FTO: variants seen among roughly 807,000 people sequenced by gnomAD.
FTO encodes alpha-ketoglutarate-dependent dioxygenase FTO.
FTO carries 47 observed loss-of-function variants against 63.9 expected under a neutral mutation model. The observed-to-expected ratio is 0.74, with a 90% confidence interval of 0.58 to 0.94. FTO has a LOEUF of 0.94. Ranked by LOEUF, FTO falls within the 40% of genes least tolerant of loss-of-function variation. The probability of loss-of-function intolerance (pLI) is 0.00; values close to 1 mark genes in which losing one functional copy is unlikely to be tolerated. For missense variants in FTO, 562 were observed against 618.1 expected (o/e 0.91, Z 0.96); for synonymous variants, 207 against 224.4 (o/e 0.92, Z 0.69).
At chr16:54,004,200 T>A (rs1185191335) in intron 8 of FTO, among the ~76,000 whole-genome samples, 1 of 152,120 alleles carries the variant, frequency 6.6e-6, no homozygotes, top group Non-Finnish European at 1.5e-5. Context: ...TTACTTAGCA[T>A]GGTACGTCTT....
At chr16:54,094,474 A>G (rs2086466524) in intron 8 of FTO, among the ~76,000 whole-genome samples, 1 of 152,226 alleles carries the variant, frequency 6.6e-6, no homozygotes, top group Non-Finnish European at 1.5e-5. Context: ...GCACTGACTC[A>G]GAAGGCCTGT....
At chr16:53,996,027 C>T (rs1230487304) in intron 8 of FTO, among the ~76,000 whole-genome samples, 1 of 152,198 alleles carries the variant, frequency 6.6e-6, no homozygotes, top group African/African-American at 2.4e-5. Context: ...CCTGCCTTTG[C>T]ACACAGTGAC....
intron 8 of FTO, among the ~76,000 whole-genome samples, chr16:53,948,308 G>A (rs926564700): frequency 6.6e-6 from 1 of 152,254 alleles, no homozygotes; most frequent in African/African-American, 2.4e-5. Context: ...ATGGGGGCAT[G>A]AGAGTTGGAT....
chr16:53,837,018 C>T (rs2079313513), intron 3 of FTO, among the ~76,000 whole-genome samples: 1 of 152,212 alleles, frequency 6.6e-6, no homozygotes, highest in Admixed American at 6.5e-5. Context: ...CCACAACTCT[C>T]TTTATACCTT....
chr16:53,848,077 A>T (rs993791034), intron 4 of FTO, among the ~76,000 whole-genome samples: 2 of 152,052 alleles, frequency 1.3e-5, no homozygotes, highest in Admixed American at 6.5e-5. Context: ...TTTTATTAGG[A>T]TTTATTATTT....
chr16:53,770,904 T>G lies in FTO; in HGVS notation c.46-39236T>G, dbSNP rs190021280. 6.6e-5 allele frequency among the ~76,000 whole-genome samples: 10 copies of G among 152,272 alleles called. No homozygotes were observed. The East Asian group carries it at 1.9e-3, about 29-fold the overall frequency. ...CTCAAGGCACTTCTGAATGGGTGTT[T>G]GCGAGACGTTGTTTGAAAAACCACT... On this transcript the variant is annotated intron_variant, in intron 1 of 8. Transcript: ENST00000471389.
intron 8 of FTO, among the ~76,000 whole-genome samples, chr16:54,028,403 A>G (rs1599234912): frequency 6.6e-6 from 1 of 152,344 alleles, no homozygotes; most frequent in African/African-American, 2.4e-5. Context: ...GAACCTGCCC[A>G]TGTAATGAAC....
Position 53,906,142 on chromosome 16 carries a change from G to A in FTO, c.1239+17191G>A, listed in dbSNP as rs748180778. On this transcript the variant is annotated intron_variant, in intron 7 of 8. Coordinates refer to ENST00000471389, the MANE Select transcript of FTO (RefSeq NM_001080432.3). ...TCGGGGTTCAGTAGCCATAGCTCTC[G>A]ATCTTGGCTGCATATTTGAAACACC... is the stretch of plus-strand genomic sequence containing the variant. Among the ~76,000 whole-genome samples the A allele has an allele frequency of 2.6e-5, 4 of 152,262 alleles. No homozygotes were observed. In the East Asian group the frequency reaches 5.8e-4, roughly 22 times the overall value.
intron 8 of FTO, among the ~76,000 whole-genome samples, chr16:54,055,742 G>A (rs766202169): frequency 2.6e-5 from 4 of 152,110 alleles, no homozygotes; most frequent in Non-Finnish European, 5.9e-5. Flanking sequence ...AAAAATTAAG[G>A]AAATTAAATG....
chr16:53,936,328 G>A (rs1028355569), intron 8 of FTO, among the ~76,000 whole-genome samples: 1 of 152,176 alleles, frequency 6.6e-6, no homozygotes, highest in African/African-American at 2.4e-5. Flanking sequence ...ATCTCAGAAG[G>A]AAAAGTGTCC....
chr16:53,820,114 T>G (rs1398718692), intron 2 of FTO, among the ~76,000 whole-genome samples: 1 of 151,906 alleles, frequency 6.6e-6, no homozygotes, highest in Admixed American at 6.6e-5. Context: ...GTTCAGGTGA[T>G]TCTCCTGCTT....
chr16:53,752,811 T>C (rs2076829911), intron 1 of FTO, among the ~76,000 whole-genome samples: 2 of 152,144 alleles, frequency 1.3e-5, no homozygotes, highest in Non-Finnish European at 2.9e-5. Flanking sequence ...CACAATTATT[T>C]TAATGTCTCC....
intron 1 of FTO, among the ~76,000 whole-genome samples, chr16:53,807,263 G>A (rs2078398108): frequency 1.3e-5 from 2 of 152,178 alleles, no homozygotes; most frequent in Admixed American, 1.3e-4. Flanking sequence ...AGATACAACA[G>A]TACTCACAGG....
At chr16:54,064,543 T>A (rs1257626137) in intron 8 of FTO, among the ~76,000 whole-genome samples, 1 of 152,162 alleles carries the variant, frequency 6.6e-6, no homozygotes, top group Non-Finnish European at 1.5e-5. Context: ...GAAACTCTAT[T>A]TTAAAAGAAT....
intron 8 of FTO, among the ~76,000 whole-genome samples, chr16:54,014,148 G>A (rs2084385009): frequency 6.6e-6 from 1 of 152,180 alleles, no homozygotes; most frequent in South Asian, 2.1e-4. Flanking sequence ...TTTGGTTGAA[G>A]CTCTCTGTCT....
intron 8 of FTO, among the ~76,000 whole-genome samples, chr16:53,938,564 T>A (rs2082446106): frequency 6.6e-6 from 1 of 152,202 alleles, no homozygotes; most frequent in Non-Finnish European, 1.5e-5. Context: ...TTTTGTGTAT[T>A]TTGTATACCT....
intron 1 of FTO, among the ~76,000 whole-genome samples, chr16:53,764,727 T>A (rs542470091): frequency 9.2e-5 from 14 of 152,262 alleles, no homozygotes; most frequent in South Asian, 8.3e-4. Flanking sequence ...TCTTTTTTTT[T>A]AAATTTTTTT....
chr16:53,851,102 G>A (rs12596457), intron 4 of FTO, among the ~76,000 whole-genome samples: 1 of 151,602 alleles, frequency 6.6e-6, no homozygotes, highest in Non-Finnish European at 1.5e-5. Flanking sequence ...TTCCACTGAC[G>A]CATGCTATCT....
At chr16:53,876,743 A>G (rs944719408) in intron 5 of FTO, among the ~76,000 whole-genome samples, 3 of 152,202 alleles carry the variant, frequency 2.0e-5, no homozygotes, top group Non-Finnish European at 1.5e-5. Flanking sequence ...CCTGGCCAAC[A>G]TGGTAAAACC....
Sources: gnomAD v4.1 joint callset for allele counts (sites outside exome capture counted in the v4.1 genomes callset) on GRCh38, gnomAD v4.1.1 for gene constraint, MANE v1.5 for transcripts, NCBI Gene and HGNC (gene_info 2026-07-23, HGNC 2026-07-21) for gene names.